Variants in MTF2 observed in about 807,000 individuals in gnomAD.
The protein encoded by MTF2 is metal-response element-binding transcription factor 2.
Under a neutral mutation model 79.5 loss-of-function variants are expected in MTF2, and 11 were observed. The ratio of observed to expected loss-of-function variants is 0.14; its 90% CI spans 0.09 to 0.23. MTF2 has a LOEUF of 0.23. Ranked by LOEUF, MTF2 falls within the 10% of genes least tolerant of loss-of-function variation. MTF2 has a pLI of 1.00. For missense variants in MTF2, 486 were observed against 711.2 expected (o/e 0.68, Z 3.60); for synonymous variants, 208 against 232.8 (o/e 0.89, Z 0.97).
intron 3 of MTF2, among the ~76,000 whole-genome samples, chr1:93,113,891 TTATG>T (rs1201885372): frequency 6.6e-6 from 1 of 152,190 alleles, no homozygotes; most frequent in Non-Finnish European, 1.5e-5. Flanking sequence ...TTTATTGTTG[TTATG>T]TATATAAAGG....
intron 1 of MTF2, among the ~76,000 whole-genome samples, chr1:93,093,471 T>C (rs147282990): frequency 1.1e-3 from 170 of 152,326 alleles, no homozygotes; most frequent in African/African-American, 3.7e-3. Context: ...ACTGGTTCTC[T>C]AGACCTGCTG....
intron 11 of MTF2, 25 bp from the exon 12 acceptor site, chr1:93,133,665 TATGCAGAGATTAA>T (rs1425808282): frequency 1.4e-6 from 2 of 1,436,164 alleles, no homozygotes; most frequent in Non-Finnish European, 1.9e-6. Context: ...TTGTTTTCTT[TATGCAGAGATTAA>T]ATGCATAATG....
chr1:93,115,428 T>C (rs750585683), intron 5 of MTF2, 42 bp from the exon 6 acceptor site: 1 of 1,417,400 alleles, frequency 7.1e-7, no homozygotes, highest in South Asian at 1.4e-5. Context: ...GTGTTTAAAA[T>C]TTTAGCCTTC....
In MTF2 at chr1:93,106,748, C is replaced by T. The variant is rs1283811543; in HGVS notation, c.6-3482C>T. Among the ~76,000 whole-genome samples, 3 of 152,134 alleles carry T rather than the reference C, an allele frequency of 2.0e-5. 1 individual carries two copies. The highest frequency in any genetic ancestry group is 6.5e-5 in the Admixed American group (1 of 15,274). On this transcript the variant is annotated intron_variant, in intron 1 of 14. Transcript: ENST00000370298. The stretch of plus-strand genomic sequence containing the variant: ...GTTGGTCAGGCTGGTCTTGAACTCC[C>T]AGCCTCAGGTGATCTGCCCACCTCG...
At chr1:93,087,330 G>T (rs1292050609) in intron 1 of MTF2, among the ~76,000 whole-genome samples, 1 of 152,154 alleles carries the variant, frequency 6.6e-6, no homozygotes, top group African/African-American at 2.4e-5. Context: ...CCAGCACTTT[G>T]GGAGGCCGAG....
At chr1:93,104,928 A>G (rs938002710) in intron 1 of MTF2, among the ~76,000 whole-genome samples, 2 of 151,932 alleles carry the variant, frequency 1.3e-5, no homozygotes. Flanking sequence ...AGGCCGAGGC[A>G]GGCAGATCAC....
chr1:93,112,120 T>C (rs1656052903), intron 3 of MTF2, among the ~76,000 whole-genome samples: 1 of 152,198 alleles, frequency 6.6e-6, no homozygotes, highest in South Asian at 2.1e-4. Context: ...TGTTCTGTGG[T>C]TGTTCTTTCT....
Position 93,110,689 on chromosome 1 carries a change from A to G in MTF2, c.286+63A>G, listed in dbSNP as rs1295837910. 20 of 1,301,048 alleles carry G rather than the reference A, an allele frequency of 1.5e-5. No individual in the cohort carries two copies. In the Admixed American group the frequency reaches 2.3e-4, roughly 15 times the overall value. 80.6% of individuals were successfully genotyped at this position (1,301,048 alleles called of 1,614,324 possible). On this transcript the variant is annotated intron_variant, in intron 3 of 14. Coordinates refer to ENST00000370298, the MANE Select transcript of MTF2 (RefSeq NM_007358.4). ...AAAATTTGATTTTCTTCAACTTGTCATATTATGATGTTGTCTGTTGAATAC... is the reference window on the plus strand; with the variant it reads ...AAAATTTGATTTTCTTCAACTTGTCGTATTATGATGTTGTCTGTTGAATAC...
chr1:93,115,715 G>A, intron 6 of MTF2, 97 bp downstream of exon 6: 1 of 932,606 alleles, frequency 1.1e-6, no homozygotes, highest in Non-Finnish European at 1.5e-6. Context: ...AATTGCAACT[G>A]CATGAACACA....
In MTF2 at chr1:93,097,418, C is replaced by T. The variant is rs917540087; in HGVS notation, c.6-12812C>T. On this transcript the variant is annotated intron_variant, in intron 1 of 14. Coordinates refer to ENST00000370298, the MANE Select transcript of MTF2 (RefSeq NM_007358.4). ...AATTTCTCCTTTGCTCTCAATACCA[C>T]ATAAAGTTAATTCTTAATGTCTGTC... Among the ~76,000 whole-genome samples, 7 of 152,240 alleles carry T rather than the reference C, an allele frequency of 4.6e-5. No individual in the cohort carries two copies. The South Asian group carries it at 1.5e-3, about 32-fold the overall frequency.
Position 93,095,631 on chromosome 1 carries a change from A to G in MTF2, c.6-14599A>G, listed in dbSNP as rs903800919. ...CTGACTGGGATTGCAGGCGTGAGCC[A>G]CCCTGCCTGGCTATTTCTCTGTTCT... is the stretch of plus-strand genomic sequence containing the variant. On this transcript the variant is annotated intron_variant, in intron 1 of 14. Coordinates refer to ENST00000370298, the MANE Select transcript of MTF2 (RefSeq NM_007358.4). 3.0e-5 allele frequency among the ~76,000 whole-genome samples: 4 copies of G among 134,290 alleles called. No homozygotes were observed. The Admixed American group carries it at 3.0e-4, about 10-fold the overall frequency. The allele number at this position is 134,290 out of a possible 152,430, so 88.1% of individuals were successfully genotyped here. A position where few individuals can be genotyped will look rare whatever the true frequency, so the allele number is the denominator to read the frequency against.
intron 11 of MTF2, among the ~76,000 whole-genome samples, chr1:93,132,720 A>C (rs1320053955): frequency 2.0e-5 from 3 of 151,896 alleles, no homozygotes; most frequent in African/African-American, 7.3e-5. Flanking sequence ...TGGAGGGATA[A>C]GTTTTTTTCC....
At chr1:93,090,091 C>G (rs2101023851) in intron 1 of MTF2, among the ~76,000 whole-genome samples, 1 of 152,324 alleles carries the variant, frequency 6.6e-6, no homozygotes, top group Middle Eastern at 3.4e-3. Context: ...ATTCTCCTGC[C>G]TCAGCCTCCT....
chr1:93,106,582 C>T (rs912202731), intron 1 of MTF2, among the ~76,000 whole-genome samples: 9 of 149,084 alleles, frequency 6.0e-5, no homozygotes, highest in South Asian at 2.1e-4. Context: ...TGCAATGGTG[C>T]GATCTTAGCT....
chr1:93,101,002 A>G (rs1655507441), intron 1 of MTF2, among the ~76,000 whole-genome samples: 1 of 152,254 alleles, frequency 6.6e-6, no homozygotes, highest in Admixed American at 6.5e-5. Context: ...AGGGAAGGGA[A>G]GAAATTGTGG....
At chr1:93,087,693 C>T (rs1227392485) in intron 1 of MTF2, among the ~76,000 whole-genome samples, 1 of 152,160 alleles carries the variant, frequency 6.6e-6, no homozygotes, top group African/African-American at 2.4e-5. Context: ...TATTCTTGGC[C>T]TTCCCCACTG....
At position 93,133,933 on chromosome 1, in the gene MTF2, G is replaced by C. The variant is rs767914322; in HGVS notation, c.1272G>C (p.Lys424Asn). Reference sequence around the variant, plus strand: ...TATATATTTTTATTTTCCAGGATAAGGAATCAATTTCAGAGAATCCTACTT... The same window carrying C: ...TATATATTTTTATTTTCCAGGATAACGAATCAATTTCAGAGAATCCTACTT... ...IQKTAEPLLD[K>N]ESISENPTLD... is the part of the protein sequence containing the mutation. Residue 424 changes from lysine (K) to asparagine (N), a missense_variant, in exon 13 of 15, where the codon AAG (lysine) becomes AAC (asparagine). This residue lies in a region of MTF2 where 209 missense variants were observed against 206.5 expected (regional missense o/e 1.01). Transcript: ENST00000370298. 4 of 1,574,346 alleles carry C rather than the reference G, an allele frequency of 2.5e-6. No individual in the cohort carries two copies. The African/African-American group carries it at 5.4e-5, about 21-fold the overall frequency.
intron 1 of MTF2, among the ~76,000 whole-genome samples, chr1:93,083,351 C>A (rs952943347): frequency 6.6e-6 from 1 of 152,166 alleles, no homozygotes; most frequent in Non-Finnish European, 1.5e-5. Flanking sequence ...CAAACTATAT[C>A]GTTAATGTTT....
intron 1 of MTF2, among the ~76,000 whole-genome samples, chr1:93,103,865 A>G (rs1314714392): frequency 1.3e-5 from 2 of 151,958 alleles, no homozygotes; most frequent in African/African-American, 4.8e-5. Context: ...TGGGTAATTT[A>G]CTCTTTTCTT....
Sources: gnomAD v4.1 joint callset for allele counts (sites outside exome capture counted in the v4.1 genomes callset) on GRCh38, gnomAD v4.1.1 for gene constraint, gnomAD v4.1.1 regional missense constraint, MANE v1.5 for transcripts, NCBI Gene and HGNC (gene_info 2026-07-23, HGNC 2026-07-21) for gene names.